PADI6: variants seen among roughly 807,000 people sequenced by gnomAD.
PADI6 encodes peptidyl arginine deiminase 6, also known as inactive protein-arginine deiminase type-6.
PADI6 carries 66 observed loss-of-function variants against 78.2 expected under a neutral mutation model. That is an observed-to-expected ratio of 0.84 (90% CI 0.69 to 1.04). The LOEUF (loss-of-function observed/expected upper bound fraction) is 1.04. Among genes scored for constraint, PADI6 ranks in the 50% least tolerant of loss-of-function variants. The probability of loss-of-function intolerance (pLI) is 0.00; values close to 1 mark genes in which losing one functional copy is unlikely to be tolerated. For missense variants in PADI6, 854 were observed against 866.1 expected, an observed-to-expected ratio of 0.99 and a Z score of 0.18; for synonymous variants, 397 against 346.9, an observed-to-expected ratio of 1.14 and a Z score of -1.60.
chr1:17,388,651 G>C, intron 7 of PADI6, 92 bp downstream of exon 7: 1 of 1,462,436 alleles, frequency 6.8e-7, no homozygotes, highest in Non-Finnish European at 9.3e-7. Flanking sequence ...GAGGTTTGCT[G>C]GGGGAGAGCT....
chr1:17,375,911 C>T (rs953719060), intron 3 of PADI6, among the ~76,000 whole-genome samples: 1 of 152,146 alleles, frequency 6.6e-6, no homozygotes, highest in African/African-American at 2.4e-5. Context: ...ATGTAAGAAG[C>T]CGCCACCCTT....
intron 5 of PADI6, among the ~76,000 whole-genome samples, chr1:17,381,600 C>T (rs2181867): frequency 0.22 from 33,722 of 152,060 alleles, 3,860 homozygotes; most frequent in East Asian, 0.32. Context: ...TCCTGACTTG[C>T]GGTTGGGACC....
At chr1:17,378,491 G>A (rs957312565) in intron 3 of PADI6, among the ~76,000 whole-genome samples, 33 of 152,336 alleles carry the variant, frequency 2.2e-4, no homozygotes, top group African/African-American at 7.7e-4. Context: ...CCACACTGGA[G>A]CGACGTGGTT....
rs532474651 is a variant in PADI6 at position 17,393,288 on chromosome 1, G to T, written c.1075-687G>T. On this transcript the variant is annotated intron_variant, in intron 9 of 15. Coordinates refer to ENST00000619609, the MANE Select transcript of PADI6 (RefSeq NM_207421.4). ...TAAGGACAAACAAGAGACACTCAAA[G>T]CATGAATCGGGAATGAAAGGTTATA... 6.8e-4 allele frequency among the ~76,000 whole-genome samples: 103 copies of T among 152,300 alleles called. 2 individuals are homozygous for T. In the South Asian group the frequency reaches 0.021, roughly 31 times the overall value.
chr1:17,398,650 C>T, intron 14 of PADI6, 36 bp from the exon 15 acceptor site: 3 of 102,572 alleles, frequency 2.9e-5, no homozygotes, highest in South Asian at 2.0e-4. Flanking sequence ...CTCCTTGCTC[C>T]CCCGCCCCCC....
Position 17,401,326 on chromosome 1 carries a change from G to A in PADI6, c.1973G>A (p.Cys658Tyr). The A allele has an allele frequency of 2.5e-6, 4 of 1,614,088 alleles. No homozygotes were observed. Among genetic ancestry groups the A allele is most frequent in the Non-Finnish European group, 2.5e-6 (3 of 1,179,912 alleles). The stretch of plus-strand genomic sequence containing the variant: ...TTGCTGGAGCCCCTGGGCTTCAAGT[G>A]CACCTTCATCAATGACTTTGACTGT... ...CCLLEPLGFK[C>Y]TFINDFDCYL... Residue 658 changes from cysteine to tyrosine, a missense_variant, in exon 16 of 16, where the codon TGC (cysteine) becomes TAC (tyrosine). Physicochemically the swap from Cys to Tyr is radical, Grantham distance 194 (BLOSUM62 -2). Coordinates refer to ENST00000619609, the MANE Select transcript of PADI6 (RefSeq NM_207421.4).
At chr1:17,391,450 T>C (rs1186596702) in intron 8 of PADI6, among the ~76,000 whole-genome samples, 2 of 152,096 alleles carry the variant, frequency 1.3e-5, no homozygotes, top group African/African-American at 4.8e-5. Flanking sequence ...AAACTCCCAG[T>C]CTTAGGTGAT....
At chr1:17,375,336 C>A in intron 2 of PADI6, 91 bp from the exon 3 acceptor site, 2 of 1,200,422 alleles carry the variant, frequency 1.7e-6, no homozygotes, top group Non-Finnish European at 1.2e-6. Flanking sequence ...AGACCAAGAT[C>A]CCACGCCTAG....
Position 17,388,788 on chromosome 1 carries a change from G to A in PADI6, c.870G>A (p.Glu290=). 1 of 1,613,532 alleles carries A rather than the reference G, an allele frequency of 6.2e-7. No individual in the cohort carries two copies. The highest frequency in any genetic ancestry group is 2.2e-5 in the East Asian group (1 of 44,880). Residue 290 remains glutamate, a synonymous_variant, in exon 8 of 16, where the codon GAG becomes GAA. Transcript: ENST00000619609. ...VEESQDPSIP[E]TVLYKDTVVF... ...TTGTCTTGTTGCAGTCAATTCCAGA[G>A]ACTGTGCTGTACAAAGACACGGTGG...
Position 17,387,156 on chromosome 1 carries a change from G to A in PADI6, c.680-1225G>A, listed in dbSNP as rs113582833. Reference sequence around the variant, plus strand: ...TCATTTCTGACCTAGAAAATGAATGGACTTGGGCTGGGCACAGTGGCTCAC... The same window carrying A: ...TCATTTCTGACCTAGAAAATGAATGAACTTGGGCTGGGCACAGTGGCTCAC... On this transcript the variant is annotated intron_variant, in intron 6 of 15. Transcript: ENST00000619609. Among the ~76,000 whole-genome samples the A allele has an allele frequency of 2.0e-3, 303 of 152,240 alleles. 4 individuals carry two copies. Among genetic ancestry groups the A allele is most frequent in the African/African-American group, 7.0e-3 (290 of 41,544 alleles).
chr1:17,390,259 C>A (rs147718942), intron 8 of PADI6, among the ~76,000 whole-genome samples: 1 of 151,980 alleles, frequency 6.6e-6, no homozygotes, highest in Non-Finnish European at 1.5e-5. Flanking sequence ...TGAAATAGCC[C>A]CACTGCACTG....
rs2075298798 is a variant in PADI6 at position 17,401,268 on chromosome 1, G to C, written c.1915G>C (p.Gly639Arg). Residue 639 changes from glycine to arginine, a missense_variant, in exon 16 of 16, where the codon GGG (glycine) becomes CGG (arginine). By Grantham distance (125) the Gly-to-Arg change is moderately radical (BLOSUM62 -2). Transcript: ENST00000619609. ...CAAGCCTTTTGGGCCCCAAATCAAG[G>C]GGACCTGCTGCCTGGAAGAAAAGAT... ...IPKPFGPQIK[G>R]TCCLEEKICC... 1 of 1,613,968 alleles carries C rather than the reference G, an allele frequency of 6.2e-7. No homozygotes were observed. The highest frequency in any genetic ancestry group is 8.5e-7 in the Non-Finnish European group (1 of 1,179,920).
chr1:17,401,342 CTT>C lies in PADI6; in HGVS notation c.1991_1992del (p.Phe664Ter). On this transcript the variant is annotated frameshift_variant, in exon 16 of 16. Coordinates refer to ENST00000619609, the MANE Select transcript of PADI6 (RefSeq NM_207421.4). LOFTEE classifies it high-confidence loss of function. Reference sequence around the variant, plus strand: ...GCTTCAAGTGCACCTTCATCAATGACTTTGACTGTTACCTGACAGAGGTCGGA... The same window carrying C: ...GCTTCAAGTGCACCTTCATCAATGACTGACTGTTACCTGACAGAGGTCGGA... Reference protein sequence around the residue: ...LGFKCTFINDFDCYLTEVGDI... With the variant: ...LGFKCTFINDXDCYLTEVGDI... The C allele has an allele frequency of 1.2e-6, 2 of 1,614,080 alleles. No individual in the cohort carries two copies. Among genetic ancestry groups the C allele is most frequent in the African/African-American group, 1.3e-5 (1 of 75,066 alleles).
At chr1:17,374,548 C>T (rs1359473748) in intron 2 of PADI6, among the ~76,000 whole-genome samples, 1 of 152,160 alleles carries the variant, frequency 6.6e-6, no homozygotes, top group East Asian at 1.9e-4. Context: ...ATCGCTTGAA[C>T]CCAGGAGGTG....
chr1:17,399,327 AG>A (rs992830940), intron 15 of PADI6, among the ~76,000 whole-genome samples: 49 of 152,336 alleles, frequency 3.2e-4, no homozygotes, highest in African/African-American at 9.9e-4. Flanking sequence ...GGCCAGGCGC[AG>A]TGGCTCATGC....
rs781608134 is a variant in PADI6 at position 17,382,083 on chromosome 1, T to C, written c.670T>C (p.Trp224Arg). 23 of 1,613,766 alleles carry C rather than the reference T, an allele frequency of 1.4e-5. No homozygotes were observed. The South Asian group carries it at 1.9e-4, about 13-fold the overall frequency. ...KEESKKARVY[W>R]PQKDNSSTFE... ...AGAGTCGAAGAAGGCGAGAGTCTAC[T>C]GGCCCCAAAGTGAGTGTTCTTGTGC... Residue 224 changes from tryptophan (W) to arginine (R), a missense_variant, in exon 6 of 16, where the codon TGG becomes CGG. Transcript: ENST00000619609.
In PADI6 at chr1:17,381,117, G is replaced by A. The variant is rs762575110; in HGVS notation, c.506G>A (p.Gly169Asp). The A allele has an allele frequency of 1.9e-6, 3 of 1,609,842 alleles. No individual in the cohort carries two copies. The highest frequency in any genetic ancestry group is 2.7e-5 in the African/African-American group (2 of 74,970). The part of the protein sequence containing the change: ...LLVNCNPADV[G>D]QQLEDKKTKK... ...GTGAATTGCAACCCTGCTGATGTGG[G>A]CCAGCAACTTGAGGACAAGAAAACC... Residue 169 changes from glycine (G) to aspartate (D), a missense_variant, in exon 5 of 16, where the codon GGC becomes GAC. Coordinates refer to ENST00000619609, the MANE Select transcript of PADI6 (RefSeq NM_207421.4).
At chr1:17,381,288 C>A in intron 5 of PADI6, 124 bp downstream of exon 5, 1 of 757,356 alleles carries the variant, frequency 1.3e-6, no homozygotes, top group Non-Finnish European at 2.1e-6. Flanking sequence ...AGTCCCCATG[C>A]CTGGGCTGAT....
rs1054726123 is a variant in PADI6 at position 17,373,111 on chromosome 1, A to G, written c.172A>G (p.Ile58Val). 6.2e-7 allele frequency: 1 copy of G among 1,613,834 alleles called. No homozygotes were observed. Among genetic ancestry groups the G allele is most frequent in the Non-Finnish European group, 8.5e-7 (1 of 1,179,886 alleles). ...CATCCATGGCTCTGGGAGGGTCTTG[A>G]TCGATGTGGCCAACACGGTGATTTC... ...FTIHGSGRVL[I>V]DVANTVISEK... The change falls in exon 2 of 16, where the codon ATC (isoleucine) becomes GTC (valine). Residue 58 changes from isoleucine (I) to valine (V), a missense_variant. Physicochemically the swap from Ile to Val is conservative, Grantham distance 29 (BLOSUM62 3). Coordinates refer to ENST00000619609, the MANE Select transcript of PADI6 (RefSeq NM_207421.4).
Sources: gnomAD v4.1 joint callset for allele counts (sites outside exome capture counted in the v4.1 genomes callset) on GRCh38, gnomAD v4.1.1 for gene constraint, MANE v1.5 for transcripts, NCBI Gene and HGNC (gene_info 2026-07-23, HGNC 2026-07-21) for gene names.